Variants in PRR23B observed in about 807,000 individuals in gnomAD.
PRR23B encodes proline-rich protein 23B.
For missense variants in PRR23B, 375 were observed against 371.7 expected (o/e 1.01, Z -0.07); for synonymous variants, 157 against 168.0 (o/e 0.93, Z 0.51).
At position 139,020,824 on chromosome 3, in the gene PRR23B, CG is replaced by C; in HGVS notation, c.-164del. ...ACGCGGGGCGAGTCCTCGGAGCTCC[CG>C]GGGCGCCTCCTGGGGGACCGTAGTC... On this transcript the variant is annotated 5_prime_UTR_variant, in exon 1 of 1. Transcript: ENST00000329447. The C allele has an allele frequency of 1.1e-6, 1 of 898,030 alleles. No homozygotes were observed. The highest frequency in any genetic ancestry group is 1.6e-6 in the Non-Finnish European group (1 of 623,340). 55.6% of individuals were successfully genotyped at this position (898,030 alleles called of 1,614,324 possible). A position where few individuals can be genotyped will look rare whatever the true frequency, so the allele number is the denominator to read the frequency against.
rs1936934615 is a variant in PRR23B, at chr3:139,020,321, G to C, written c.341C>G (p.Ala114Gly). The change falls in exon 1 of 1, where the codon GCG becomes GGG. Residue 114 changes from alanine to glycine, a missense_variant. Ala to Gly is a moderately conservative substitution (Grantham distance 60). Coordinates refer to ENST00000329447, the MANE Select transcript of PRR23B (RefSeq NM_001013650.2). ...LLSSVDERSG[A>G]QHDSSAGLEV... ...CAGCCCGGCAGACGAGTCGTGCTGCGCTCCTGAGCGTTCGTCGACGGAGCT... is the reference window on the plus strand; with the variant it reads ...CAGCCCGGCAGACGAGTCGTGCTGCCCTCCTGAGCGTTCGTCGACGGAGCT... The C allele has an allele frequency of 6.2e-7, 1 of 1,613,976 alleles. No individual in the cohort carries two copies. Among genetic ancestry groups the C allele is most frequent in the African/African-American group, 1.3e-5 (1 of 74,912 alleles).
In PRR23B at chr3:139,020,675, C is replaced by G. The variant is rs1936940693; in HGVS notation, c.-14G>C. 3 of 1,490,390 alleles carry G rather than the reference C, an allele frequency of 2.0e-6. No individual in the cohort carries two copies. The highest frequency in any genetic ancestry group is 8.8e-7 in the Non-Finnish European group (1 of 1,130,058). The allele number at this position is 1,490,390 out of a possible 1,614,324, so 92.3% of individuals were successfully genotyped here. A position where few individuals can be genotyped will look rare whatever the true frequency, so the allele number is the denominator to read the frequency against. ...CCGGCTGACCATCGCCTCGACGGCG[C>G]TGTGGACGGCGCTCCTGGGCCTAGC... On this transcript the variant is annotated 5_prime_UTR_variant, in exon 1 of 1. Transcript: ENST00000329447.
At position 139,019,792 on chromosome 3, in the gene PRR23B, A is replaced by C; in HGVS notation, c.*72T>G. ...TCCAGGTTGTTGGATACTCAATGTG[A>C]GAGATTCCCGCAATCCTAGAGGGCC... is the stretch of plus-strand genomic sequence containing the variant. On this transcript the variant is annotated 3_prime_UTR_variant, in exon 1 of 1. Coordinates refer to ENST00000329447, the MANE Select transcript of PRR23B (RefSeq NM_001013650.2). 4.8e-6 allele frequency: 7 copies of C among 1,451,526 alleles called. No individual in the cohort carries two copies. Among genetic ancestry groups the C allele is most frequent in the South Asian group, 1.4e-5 (1 of 72,858 alleles). The allele number at this position is 1,451,526 out of a possible 1,614,324, so 89.9% of individuals were successfully genotyped here.
At position 139,020,825 on chromosome 3, in the gene PRR23B, G is replaced by A. The variant is rs1936945139; in HGVS notation, c.-164C>T. 2 of 902,346 alleles carry A rather than the reference G, an allele frequency of 2.2e-6. No homozygotes were observed. The highest frequency in any genetic ancestry group is 2.0e-5 in the South Asian group (1 of 49,120). 55.9% of individuals were successfully genotyped at this position (902,346 alleles called of 1,614,324 possible). A position where few individuals can be genotyped will look rare whatever the true frequency, so the allele number is the denominator to read the frequency against. ...CGCGGGGCGAGTCCTCGGAGCTCCC[G>A]GGGCGCCTCCTGGGGGACCGTAGTC... On this transcript the variant is annotated 5_prime_UTR_variant, in exon 1 of 1. Transcript: ENST00000329447.
the PRR23B span, chr3:139,020,397 G>A: frequency 6.2e-7 from 1 of 1,614,008 alleles, no homozygotes. Context: ...AGAGACACTC[G>A]CAGGATCGAC....
chr3:139,020,356 C>T lies in PRR23B; in HGVS notation c.306G>A (p.Glu102=). The T allele has an allele frequency of 6.2e-7, 1 of 1,614,096 alleles. No individual in the cohort carries two copies. The highest frequency in any genetic ancestry group is 8.5e-7 in the Non-Finnish European group (1 of 1,179,994). ...LGGHTLILIP[E]VLLSSVDERS... is the part of the protein sequence containing the mutation. Reference sequence around the variant, plus strand: ...GTTCGTCGACGGAGCTCAGGAGGACCTCTGGGATCAGGATGAGGGTGTGTC... The same window carrying T: ...GTTCGTCGACGGAGCTCAGGAGGACTTCTGGGATCAGGATGAGGGTGTGTC... The change falls in exon 1 of 1, where the codon GAG becomes GAA. Residue 102 remains glutamate, a synonymous_variant. Transcript: ENST00000329447.
rs556013985 is a variant in PRR23B at position 139,020,757 on chromosome 3, T to C, written c.-96A>G. 3.0e-5 allele frequency: 42 copies of C among 1,378,178 alleles called. 1 individual carries two copies. In the Middle Eastern group the frequency reaches 3.8e-3, roughly 123 times the overall value. The allele number at this position is 1,378,178 out of a possible 1,614,324, so 85.4% of individuals were successfully genotyped here. On this transcript the variant is annotated 5_prime_UTR_variant, in exon 1 of 1. Coordinates refer to ENST00000329447, the MANE Select transcript of PRR23B (RefSeq NM_001013650.2). ...TCTTTGAAGTAACAGATGTCGGTGG[T>C]AGGGGAGGCTGGTTGGGACGAGCGG...
chr3:139,020,667 C>T lies in PRR23B; in HGVS notation c.-6G>A. 2 of 1,504,344 alleles carry T rather than the reference C, an allele frequency of 1.3e-6. No individual in the cohort carries two copies. Among genetic ancestry groups the T allele is most frequent in the Non-Finnish European group, 1.8e-6 (2 of 1,136,046 alleles). 93.2% of individuals were successfully genotyped at this position (1,504,344 alleles called of 1,614,324 possible). On this transcript the variant is annotated 5_prime_UTR_variant, in exon 1 of 1. Transcript: ENST00000329447. ...CTGCGGGGCCGGCTGACCATCGCCT[C>T]GACGGCGCTGTGGACGGCGCTCCTG...
chr3:139,020,048 C>T lies in PRR23B; in HGVS notation c.614G>A (p.Ser205Asn). The part of the protein sequence containing the change: ...PEPCALAPNP[S>N]SERRSPRPIF... ...GGGGCGTGGAGAACGTCTCTCTGAA[C>T]TGGGGTTGGGGGCCAGAGCACAGGG... Residue 205 changes from serine to asparagine, a missense_variant, in exon 1 of 1, where the codon AGT (serine) becomes AAT (asparagine). Transcript: ENST00000329447. The T allele has an allele frequency of 1.4e-5, 22 of 1,614,020 alleles. No individual in the cohort carries two copies. The highest frequency in any genetic ancestry group is 2.2e-5 in the East Asian group (1 of 44,824).
chr3:139,019,981 G>T lies in PRR23B; in HGVS notation c.681C>A (p.Ser227Arg), dbSNP rs1443211091. ...AGGGAGGTAGAGGTTGGAGAGGTGAGCTGGGGACAGGCTCCAGAAGGCGGA... is the reference window on the plus strand; with the variant it reads ...AGGGAGGTAGAGGTTGGAGAGGTGATCTGGGGACAGGCTCCAGAAGGCGGA... ...LEFRLLEPVP[S>R]SPLQPLPPSP... The change falls in exon 1 of 1, where the codon AGC becomes AGA. Residue 227 changes from serine to arginine, a missense_variant. Transcript: ENST00000329447. 1 of 1,614,158 alleles carries T rather than the reference G, an allele frequency of 6.2e-7. No individual in the cohort carries two copies. The highest frequency in any genetic ancestry group is 1.7e-5 in the Admixed American group (1 of 60,030).
chr3:139,019,945 C>T lies in PRR23B; in HGVS notation c.717G>A (p.Val239=). The change falls in exon 1 of 1, where the codon GTG becomes GTA. Residue 239 remains valine, a synonymous_variant. Coordinates refer to ENST00000329447, the MANE Select transcript of PRR23B (RefSeq NM_001013650.2). The part of the protein sequence containing the change: ...PLQPLPPSPC[V]GSPGPHARSP... ...AGCGCGCGTGGGGACCTGGACTCCC[C>T]ACGCACGGAGAGGGAGGTAGAGGTT... The T allele has an allele frequency of 1.2e-6, 2 of 1,613,764 alleles. No homozygotes were observed. The highest frequency in any genetic ancestry group is 1.7e-4 in the Middle Eastern group (1 of 6,058).
rs1310216034 is a variant in PRR23B at position 139,020,613 on chromosome 3, C to T, written c.49G>A (p.Gly17Arg). The change falls in exon 1 of 1, where the codon GGA becomes AGA. Residue 17 changes from glycine to arginine, a missense_variant. By Grantham distance (125) the Gly-to-Arg change is moderately radical. Transcript: ENST00000329447. Reference sequence around the variant, plus strand: ...GGGCCGGGTCCTCCTGGCTGCTGTCCCCACCAGGGAGCAGGGAAGGCGCTG... The same window carrying T: ...GGGCCGGGTCCTCCTGGCTGCTGTCTCCACCAGGGAGCAGGGAAGGCGCTG... ...SPSAFPAPWW[G>R]QQPGGPGPAK... is the part of the protein sequence containing the mutation. 3 of 1,552,632 alleles carry T rather than the reference C, an allele frequency of 1.9e-6. No individual in the cohort carries two copies. Among genetic ancestry groups the T allele is most frequent in the South Asian group, 2.4e-5 (2 of 84,864 alleles).
Position 139,020,839 on chromosome 3 carries a change from G to A in PRR23B, c.-178C>T, listed in dbSNP as rs1055634211. On this transcript the variant is annotated 5_prime_UTR_variant, in exon 1 of 1. Coordinates refer to ENST00000329447, the MANE Select transcript of PRR23B (RefSeq NM_001013650.2). ...TCGGAGCTCCCGGGGCGCCTCCTGG[G>A]GGACCGTAGTCTGGGCTGCTGGTGG... 1.3e-6 allele frequency: 1 copy of A among 784,248 alleles called. No individual in the cohort carries two copies. The highest frequency in any genetic ancestry group is 1.9e-6 in the Non-Finnish European group (1 of 519,156). The allele number at this position is 784,248 out of a possible 1,614,324, so 48.6% of individuals were successfully genotyped here. A position where few individuals can be genotyped will look rare whatever the true frequency, so the allele number is the denominator to read the frequency against.
In PRR23B at chr3:139,020,768, G is replaced by T; in HGVS notation, c.-107C>A. The T allele has an allele frequency of 7.3e-7, 1 of 1,363,546 alleles. No individual in the cohort carries two copies. Among genetic ancestry groups the T allele is most frequent in the Non-Finnish European group, 9.6e-7 (1 of 1,038,354 alleles). The allele number at this position is 1,363,546 out of a possible 1,614,324, so 84.5% of individuals were successfully genotyped here. A position where few individuals can be genotyped will look rare whatever the true frequency, so the allele number is the denominator to read the frequency against. ...ACAGATGTCGGTGGTAGGGGAGGCT[G>T]GTTGGGACGAGCGGGGCGCAGGACC... On this transcript the variant is annotated 5_prime_UTR_variant, in exon 1 of 1. Coordinates refer to ENST00000329447, the MANE Select transcript of PRR23B (RefSeq NM_001013650.2).
At position 139,020,119 on chromosome 3, in the gene PRR23B, G is replaced by C. The variant is rs760169957; in HGVS notation, c.543C>G (p.Ser181=). The C allele has an allele frequency of 2.7e-5, 43 of 1,613,212 alleles. No individual in the cohort carries two copies. Among genetic ancestry groups the C allele is most frequent in the Non-Finnish European group, 1.6e-5 (19 of 1,180,004 alleles). The change falls in exon 1 of 1, where the codon TCC becomes TCG. Residue 181 remains serine (S), a synonymous_variant. Coordinates refer to ENST00000329447, the MANE Select transcript of PRR23B (RefSeq NM_001013650.2). ...PTGSAAGLYP[S]SRSMFIPYRE... Reference sequence around the variant, plus strand: ...GGTAGGGGATGAACATACTTCTAGAGGAGGGGTAGAGCCCAGCGGCTGAGC... The same window carrying C: ...GGTAGGGGATGAACATACTTCTAGACGAGGGGTAGAGCCCAGCGGCTGAGC...
Position 139,019,514 on chromosome 3 carries a change from G to C in PRR23B, c.*350C>G, listed in dbSNP as rs1352123232. On this transcript the variant is annotated 3_prime_UTR_variant, in exon 1 of 1. Transcript: ENST00000329447. ...GATTTCTTGGTTTGGGGAGAAACGG[G>C]AGTGGCAGTATGATGCTGGAGAAAG... is the stretch of plus-strand genomic sequence containing the variant. 1.6e-5 allele frequency: 3 copies of C among 188,122 alleles called. No individual in the cohort carries two copies. Among genetic ancestry groups the C allele is most frequent in the Non-Finnish European group, 3.2e-5 (3 of 92,698 alleles). 11.7% of individuals were successfully genotyped at this position (188,122 alleles called of 1,614,324 possible).
In PRR23B at chr3:139,020,859, T is replaced by G. The variant is rs1350079306; in HGVS notation, c.-198A>C. On this transcript the variant is annotated 5_prime_UTR_variant, in exon 1 of 1. Coordinates refer to ENST00000329447, the MANE Select transcript of PRR23B (RefSeq NM_001013650.2). ...CCTGGGGGACCGTAGTCTGGGCTGC[T>G]GGTGGTGCCTCGCCGGCCACCGGGC... The G allele has an allele frequency of 3.0e-6, 2 of 657,686 alleles. No individual in the cohort carries two copies. The highest frequency in any genetic ancestry group is 4.9e-6 in the Non-Finnish European group (2 of 408,436). The allele number at this position is 657,686 out of a possible 1,614,324, so 40.7% of individuals were successfully genotyped here. A position where few individuals can be genotyped will look rare whatever the true frequency, so the allele number is the denominator to read the frequency against.
rs993575060 is a variant in PRR23B at position 139,019,636 on chromosome 3, C to G, written c.*228G>C. On this transcript the variant is annotated 3_prime_UTR_variant, in exon 1 of 1. Coordinates refer to ENST00000329447, the MANE Select transcript of PRR23B (RefSeq NM_001013650.2). The stretch of plus-strand genomic sequence containing the variant: ...AAGCCCAGAAATCTGGACACATTTT[C>G]TGGTATCCTTGCGCAGATTTTCTAT... 7 of 451,326 alleles carry G rather than the reference C, an allele frequency of 1.6e-5. No individual in the cohort carries two copies. The highest frequency in any genetic ancestry group is 9.8e-5 in the African/African-American group (5 of 51,100). The allele number at this position is 451,326 out of a possible 1,614,324, so 28.0% of individuals were successfully genotyped here.
In PRR23B at chr3:139,019,900, A is replaced by C. The variant is rs1197543556; in HGVS notation, c.762T>G (p.Pro254=). The change falls in exon 1 of 1, where the codon CCT becomes CCG. Residue 254 remains proline, a synonymous_variant. Coordinates refer to ENST00000329447, the MANE Select transcript of PRR23B (RefSeq NM_001013650.2). The part of the protein sequence containing the change: ...PHARSPLPER[P]PCKARRRLFQ... ...ACAGGCGTCTCCGGGCCTTGCACGG[A>C]GGGCGTTCCGGGAGCGGCGAGCGCG... is the stretch of plus-strand genomic sequence containing the variant. 4.3e-6 allele frequency: 7 copies of C among 1,609,724 alleles called. No homozygotes were observed. Among genetic ancestry groups the C allele is most frequent in the African/African-American group, 1.3e-5 (1 of 74,668 alleles).
Sources: gnomAD v4.1 joint callset for allele counts on GRCh38, gnomAD v4.1.1 for gene constraint, MANE v1.5 for transcripts, NCBI Gene and HGNC (gene_info 2026-07-23, HGNC 2026-07-21) for gene names.